Variants in PPP1R12A observed in about 807,000 individuals in gnomAD.
The protein encoded by PPP1R12A is protein phosphatase 1 regulatory subunit 12A, also known as myosin binding subunit.
A neutral mutation model predicts 139.6 loss-of-function variants in PPP1R12A; 19 were observed. The observed-to-expected ratio is 0.14, with a 90% CI of 0.09 to 0.20. The LOEUF is 0.20. PPP1R12A is among the 10% of genes least tolerant of loss of function. The pLI is 1.00. For missense variants in PPP1R12A, 925 were observed against 1,211.5 expected (o/e 0.76, Z 3.51); for synonymous variants, 427 against 420.6 (o/e 1.02, Z -0.19).
intron 9 of PPP1R12A, among the ~76,000 whole-genome samples, chr12:79,814,693 G>C (rs1875087502): frequency 6.7e-6 from 1 of 148,524 alleles, no homozygotes. Flanking sequence ...GCAGGTGTCT[G>C]TAATTCAGCT....
intron 1 of PPP1R12A, among the ~76,000 whole-genome samples, chr12:79,919,412 A>T (rs1161442224): frequency 6.6e-6 from 1 of 151,864 alleles, no homozygotes; most frequent in African/African-American, 2.4e-5. Flanking sequence ...AAAATTAGCC[A>T]GGCATGGTGG....
chr12:79,843,547 C>T (rs763775350), intron 3 of PPP1R12A, among the ~76,000 whole-genome samples: 6 of 151,458 alleles, frequency 4.0e-5, no homozygotes, highest in Admixed American at 6.6e-5. Flanking sequence ...AAGGTTGCAG[C>T]GAACCCAGAT....
chr12:79,791,141 A>G (rs940423849), intron 19 of PPP1R12A, among the ~76,000 whole-genome samples: 3 of 152,148 alleles, frequency 2.0e-5, no homozygotes, highest in African/African-American at 4.8e-5. Flanking sequence ...ATAAATTTCA[A>G]TTTTCAAGAT....
chr12:79,905,344 C>CCCG (rs1555244712), intron 1 of PPP1R12A, among the ~76,000 whole-genome samples: 1 of 107,202 alleles, frequency 9.3e-6, no homozygotes, highest in Non-Finnish European at 1.9e-5. Flanking sequence ...TTGCCGCCCC[C>CCCG]CCCCACCCCT....
In PPP1R12A at chr12:79,817,140, T is replaced by C. The variant is rs190231303; in HGVS notation, c.1239+254A>G. Among the ~76,000 whole-genome samples the C allele has an allele frequency of 2.0e-5, 3 of 152,292 alleles. No homozygotes were observed. In the East Asian group the frequency reaches 5.8e-4, roughly 29 times the overall value. On this transcript the variant is annotated intron_variant, in intron 9 of 24. Coordinates refer to ENST00000450142, the MANE Select transcript of PPP1R12A (RefSeq NM_002480.3). ...AAAATTTTTATCTTTCTGCCATTTA[T>C]TAACTATCAACTGTATGTAATATTT... is the stretch of plus-strand genomic sequence containing the variant.
Position 79,807,291 on chromosome 12 carries a change from C to T in PPP1R12A, c.1590G>A (p.Arg530=), listed in dbSNP as rs369861536. 6 of 1,556,156 alleles carry T rather than the reference C, an allele frequency of 3.9e-6. No homozygotes were observed. In the South Asian group the frequency reaches 5.9e-5, roughly 15 times the overall value. ...TTTTAAGATCATCTTCCCATTTTCT[C>T]CTTGTATATGAACTACTTGTTCGCA... is the stretch of plus-strand genomic sequence containing the variant. The part of the protein sequence containing the change: ...SSLRTSSSYT[R]RKWEDDLKKN... The change falls in exon 12 of 25, where the codon AGG becomes AGA. Residue 530 remains arginine (R), a synonymous_variant. Coordinates refer to ENST00000450142, the MANE Select transcript of PPP1R12A (RefSeq NM_002480.3).
At chr12:79,882,433 A>G (rs1306994245) in intron 1 of PPP1R12A, among the ~76,000 whole-genome samples, 5 of 152,194 alleles carry the variant, frequency 3.3e-5, no homozygotes, top group East Asian at 1.9e-4. Flanking sequence ...CAAGAGAACA[A>G]GAATTAGAAG....
intron 14 of PPP1R12A, among the ~76,000 whole-genome samples, chr12:79,801,117 A>G (rs1218337725): frequency 6.6e-6 from 1 of 151,202 alleles, no homozygotes; most frequent in Non-Finnish European, 1.5e-5. Context: ...AGGCCGAGGC[A>G]GGCGGATCAC....
At chr12:79,827,459 A>AAT (rs1240807413) in intron 5 of PPP1R12A, among the ~76,000 whole-genome samples, 1 of 152,170 alleles carries the variant, frequency 6.6e-6, no homozygotes, top group Non-Finnish European at 1.5e-5. Context: ...TATAAAATGC[A>AAT]ATATACAAGG....
At chr12:79,851,760 G>A (rs1427106030) in intron 2 of PPP1R12A, among the ~76,000 whole-genome samples, 2 of 152,144 alleles carry the variant, frequency 1.3e-5, no homozygotes, top group East Asian at 3.8e-4. Context: ...AGAGAGATCT[G>A]ATGGCATAGA....
chr12:79,832,556 C>T (rs1050931793), intron 3 of PPP1R12A, 65 bp from the exon 4 acceptor site: 1 of 1,396,474 alleles, frequency 7.2e-7, no homozygotes, highest in African/African-American at 1.5e-5. Context: ...GGAAATAAAA[C>T]TATCCAAAAC....
chr12:79,934,500 A>C (rs1177933266), intron 1 of PPP1R12A, among the ~76,000 whole-genome samples, 195 bp downstream of exon 1: 19 of 152,270 alleles, frequency 1.2e-4, no homozygotes, highest in Non-Finnish European at 2.5e-4. Flanking sequence ...ACTGTTCTGA[A>C]GGGGGGCCTC....
At chr12:79,895,031 A>G (rs1399125753) in intron 1 of PPP1R12A, among the ~76,000 whole-genome samples, 3 of 152,206 alleles carry the variant, frequency 2.0e-5, no homozygotes, top group Admixed American at 1.3e-4. Context: ...CTAGTAAAAT[A>G]AAAGTCTTTA....
intron 5 of PPP1R12A, among the ~76,000 whole-genome samples, chr12:79,823,471 A>G (rs1876382309): frequency 6.6e-6 from 1 of 152,216 alleles, no homozygotes; most frequent in African/African-American, 2.4e-5. Flanking sequence ...GGATGTTAAC[A>G]TGTATTCAGA....
chr12:79,831,440 G>T (rs1019553457), intron 4 of PPP1R12A, among the ~76,000 whole-genome samples: 4 of 152,086 alleles, frequency 2.6e-5, no homozygotes, highest in Non-Finnish European at 5.9e-5. Context: ...AAAATTAAGT[G>T]GGCGTAGTGG....
At chr12:79,882,037 G>A (rs1411479556) in intron 1 of PPP1R12A, among the ~76,000 whole-genome samples, 1 of 152,180 alleles carries the variant, frequency 6.6e-6, no homozygotes, top group Non-Finnish European at 1.5e-5. Context: ...AAATATTGCT[G>A]CTAACAACAA....
At chr12:79,893,936 G>A (rs1185167676) in intron 1 of PPP1R12A, among the ~76,000 whole-genome samples, 1 of 152,124 alleles carries the variant, frequency 6.6e-6, no homozygotes, top group Non-Finnish European at 1.5e-5. Flanking sequence ...ACTTATCACT[G>A]CTGCTCCTGA....
At chr12:79,924,208 T>C (rs1887659227) in intron 1 of PPP1R12A, among the ~76,000 whole-genome samples, 1 of 152,178 alleles carries the variant, frequency 6.6e-6, no homozygotes. Flanking sequence ...TAAAAAATGA[T>C]GGTTCAAAGA....
rs1869506382 is a variant in PPP1R12A at position 79,774,159 on chromosome 12, A to T, written c.*1770T>A. On this transcript the variant is annotated 3_prime_UTR_variant, in exon 25 of 25. Transcript: ENST00000450142. The stretch of plus-strand genomic sequence containing the variant: ...TTTTACCTCCACATAAGACCATGGA[A>T]ATTCTCAATATTCAGACCTACCATT... 6.6e-6 allele frequency: 1 copy of T among 152,174 alleles called. No individual in the cohort carries two copies. Among genetic ancestry groups the T allele is most frequent in the African/African-American group, 2.4e-5 (1 of 41,456 alleles). 9.4% of individuals were successfully genotyped at this position (152,174 alleles called of 1,614,324 possible).
Sources: gnomAD v4.1 joint callset for allele counts (sites outside exome capture counted in the v4.1 genomes callset) on GRCh38, gnomAD v4.1.1 for gene constraint, MANE v1.5 for transcripts, NCBI Gene and HGNC (gene_info 2026-07-23, HGNC 2026-07-21) for gene names.